YTHDF2: variants seen among roughly 807,000 people sequenced by gnomAD.
YTHDF2 encodes YTH domain-containing family protein 2.
YTHDF2 carries 2 observed loss-of-function variants against 50.4 expected under a neutral mutation model. That is an observed-to-expected ratio of 0.04 (90% CI 0.02 to 0.12). The LOEUF (loss-of-function observed/expected upper bound fraction) is 0.12, where lower values mean the gene tolerates loss of function less well. Ranked by LOEUF, YTHDF2 falls within the 10% of genes least tolerant of loss-of-function variation. The probability of loss-of-function intolerance (pLI) is 1.00; values close to 1 mark genes in which losing one functional copy is unlikely to be tolerated. For synonymous variants in YTHDF2, 217 were observed against 255.6 expected (o/e 0.85, Z 1.44); for missense variants, 483 against 722.6 (o/e 0.67, Z 3.80).
chr1:28,742,681 C>T lies in YTHDF2; in HGVS notation c.411C>T (p.Asn137=), dbSNP rs2087794874. 1 of 1,614,040 alleles carries T rather than the reference C, an allele frequency of 6.2e-7. No individual in the cohort carries two copies. The highest frequency in any genetic ancestry group is 2.2e-5 in the East Asian group (1 of 44,888). Residue 137 remains asparagine (N), a synonymous_variant, in exon 4 of 5, where the codon AAC becomes AAT. Transcript: ENST00000373812. ...SGIDFSAWGN[N]SSQGQSTQSS... ...TTGACTTCTCAGCATGGGGAAATAA[C>T]AGTTCTCAGGGACAGTCTACTCAGA... is the stretch of plus-strand genomic sequence containing the variant.
chr1:28,743,414 C>G lies in YTHDF2; in HGVS notation c.1144C>G (p.Pro382Ala), dbSNP rs752417788. The G allele has an allele frequency of 6.2e-7, 1 of 1,614,078 alleles. No homozygotes were observed. Among genetic ancestry groups the G allele is most frequent in the African/African-American group, 1.3e-5 (1 of 74,928 alleles). The stretch of plus-strand genomic sequence containing the variant: ...GTCTCAGGCTGGTTCTGGATCTACT[C>G]CTTCAGAACCCCACCCAGTGTTGGA... ...GQSQAGSGST[P>A]SEPHPVLEKL... is the part of the protein sequence containing the mutation. Residue 382 changes from proline (P) to alanine (A), a missense_variant, in exon 4 of 5, where the codon CCT becomes GCT. Pro to Ala is a conservative substitution (Grantham distance 27). Coordinates refer to ENST00000373812, the MANE Select transcript of YTHDF2 (RefSeq NM_016258.3). This position sits in a 1 kb window ranked among gnomAD's most constrained non-coding sequence, Gnocchi z 6.9.
At chr1:28,748,934 T>A (rs1208688388) in intron 4 of YTHDF2, among the ~76,000 whole-genome samples, 1 of 152,208 alleles carries the variant, frequency 6.6e-6, no homozygotes, top group African/African-American at 2.4e-5. Context: ...AACATCCTTT[T>A]GTATAAATAT....
intron 4 of YTHDF2, among the ~76,000 whole-genome samples, chr1:28,748,780 T>C (rs602345): frequency 0.88 from 134,283 of 152,216 alleles, 59,265 homozygotes; most frequent in Admixed American, 0.9. Context: ...TATTTAGAAC[T>C]TTTCCCCAGT....
At chr1:28,746,639 G>A (rs2087866180) in intron 4 of YTHDF2, among the ~76,000 whole-genome samples, 1 of 151,322 alleles carries the variant, frequency 6.6e-6, no homozygotes, top group Admixed American at 6.6e-5. Flanking sequence ...GGGTACCTGT[G>A]ATCCCAACTA....
chr1:28,743,919 C>G lies in YTHDF2; in HGVS notation c.1649C>G (p.Thr550Ser), dbSNP rs756382402. Residue 550 changes from threonine (T) to serine (S), a missense_variant, in exon 4 of 5, where the codon ACC (threonine) becomes AGC (serine). Physicochemically the swap from Thr to Ser is moderately conservative, Grantham distance 58 (BLOSUM62 1). Around this residue, in one of 4 missense-constraint regions of YTHDF2, gnomAD observed 38 missense variants for 60.1 expected, o/e 0.63. Transcript: ENST00000373812. The surrounding 1 kb of genome is among the most constrained non-coding windows in gnomAD (Gnocchi z 6.9). ...VLKIIASYKH[T>S]TSIFDDFSHY... ...AAAATTATAGCCAGCTACAAGCACA[C>G]CACTTCCATTTTTGATGACTTCTCA... is the stretch of plus-strand genomic sequence containing the variant. 2 of 1,594,072 alleles carry G rather than the reference C, an allele frequency of 1.3e-6. No individual in the cohort carries two copies. The highest frequency in any genetic ancestry group is 1.7e-6 in the Non-Finnish European group (2 of 1,172,054).
intron 2 of YTHDF2, 160 bp downstream of exon 2, chr1:28,737,842 A>G: frequency 1.2e-5 from 9 of 781,958 alleles, no homozygotes; most frequent in Non-Finnish European, 1.8e-5. Context: ...GTGTTCTTGC[A>G]GCTGGCGAAC....
At chr1:28,749,983 G>GTGGT (rs2087924870) in intron 4 of YTHDF2, among the ~76,000 whole-genome samples, 1 of 55,258 alleles carries the variant, frequency 1.8e-5, no homozygotes, top group Admixed American at 2.8e-4. Flanking sequence ...GAAAAAAAAG[G>GTGGT]TTGTTTTTTT....
chr1:28,758,529 T>G (rs1400065353), intron 4 of YTHDF2, among the ~76,000 whole-genome samples: 1 of 152,150 alleles, frequency 6.6e-6, no homozygotes, highest in African/African-American at 2.4e-5. Flanking sequence ...ATGGAATGAA[T>G]TAGATCTACT....
At chr1:28,748,731 T>C (rs770421056) in intron 4 of YTHDF2, among the ~76,000 whole-genome samples, 1 of 152,240 alleles carries the variant, frequency 6.6e-6, no homozygotes, top group East Asian at 1.9e-4. Flanking sequence ...GTTTACCTTG[T>C]TGAATACTGC....
At chr1:28,748,270 T>G (rs2087895103) in intron 4 of YTHDF2, among the ~76,000 whole-genome samples, 1 of 152,238 alleles carries the variant, frequency 6.6e-6, no homozygotes, top group Non-Finnish European at 1.5e-5. Flanking sequence ...CATAACTGAT[T>G]GTAAACTGTT....
At chr1:28,755,777 C>G (rs2088027323) in intron 4 of YTHDF2, among the ~76,000 whole-genome samples, 1 of 152,116 alleles carries the variant, frequency 6.6e-6, no homozygotes. Context: ...TGAGTGCACA[C>G]ATGACACTGA....
At chr1:28,752,667 G>A (rs1333175584) in intron 4 of YTHDF2, among the ~76,000 whole-genome samples, 1 of 152,092 alleles carries the variant, frequency 6.6e-6, no homozygotes, top group African/African-American at 2.4e-5. Flanking sequence ...TGATTGTCTA[G>A]ACTTCATAGT....
intron 4 of YTHDF2, among the ~76,000 whole-genome samples, chr1:28,752,448 A>G (rs962763072): frequency 6.6e-6 from 1 of 152,000 alleles, no homozygotes; most frequent in African/African-American, 2.4e-5. Context: ...GGTGCTTGCC[A>G]CCACTCCCGG....
At chr1:28,758,658 G>A (rs2088069181) in intron 4 of YTHDF2, among the ~76,000 whole-genome samples, 1 of 152,196 alleles carries the variant, frequency 6.6e-6, no homozygotes, top group African/African-American at 2.4e-5. Flanking sequence ...GTTATCATAA[G>A]TAGGACCGTT....
intron 4 of YTHDF2, among the ~76,000 whole-genome samples, chr1:28,759,816 C>T (rs899239169): frequency 6.6e-5 from 10 of 151,852 alleles, no homozygotes; most frequent in African/African-American, 1.7e-4. Context: ...CCTAGCCGGG[C>T]GTGGTGGTGC....
At chr1:28,753,612 C>T (rs919863074) in intron 4 of YTHDF2, among the ~76,000 whole-genome samples, 2 of 151,454 alleles carry the variant, frequency 1.3e-5, no homozygotes, top group Non-Finnish European at 2.9e-5. Flanking sequence ...GGTATGTTTT[C>T]AGAATGAGAA....
chr1:28,741,021 C>T (rs757386897), intron 3 of YTHDF2, among the ~76,000 whole-genome samples: 5 of 146,950 alleles, frequency 3.4e-5, no homozygotes, highest in Admixed American at 6.8e-5. Flanking sequence ...TTTTTTGAGA[C>T]GGAGTCTTGC....
chr1:28,753,382 A>C lies in YTHDF2; in HGVS notation c.1716+9396A>C, dbSNP rs1482865060. ...CCAAAAAAAAAAAAAAAAAAAAAAA[A>C]AAAAAAAAAAAAAAAATCAGCCAGG... On this transcript the variant is annotated intron_variant, in intron 4 of 4. Coordinates refer to ENST00000373812, the MANE Select transcript of YTHDF2 (RefSeq NM_016258.3). Among the ~76,000 whole-genome samples, 45 of 142,032 alleles carry C rather than the reference A, an allele frequency of 3.2e-4. 2 individuals are homozygous for C. The highest frequency in any genetic ancestry group is 9.3e-4 in the Admixed American group (13 of 14,038). 93.2% of individuals were successfully genotyped at this position (142,032 alleles called of 152,430 possible).
intron 4 of YTHDF2, among the ~76,000 whole-genome samples, chr1:28,766,952 C>A (rs191321016): frequency 6.6e-6 from 1 of 151,766 alleles, no homozygotes; most frequent in Non-Finnish European, 1.5e-5. Context: ...CCCAGCTCAC[C>A]CCCCAAGTAG....
Sources: allele counts gnomAD v4.1 joint callset (sites outside exome capture counted in the v4.1 genomes callset), GRCh38; gene constraint gnomAD v4.1.1; regional missense constraint gnomAD v4.1.1; non-coding constraint Gnocchi (gnomAD v3.1); transcripts MANE v1.5; gene names NCBI Gene and HGNC (gene_info 2026-07-23, HGNC 2026-07-21).